BOD1L1: variants seen among roughly 807,000 people sequenced by gnomAD.
BOD1L1 encodes the protein biorientation of chromosomes in cell division protein 1-like 1.
A neutral mutation model predicts 240.7 loss-of-function variants in BOD1L1; 86 were observed. The observed-to-expected ratio is 0.36, with a 90% CI of 0.30 to 0.43. The LOEUF is 0.43. Among genes scored for constraint, BOD1L1 ranks in the 20% least tolerant of loss-of-function variants. The pLI, the probability that BOD1L1 is intolerant of heterozygous loss-of-function variation, is 1.00. For missense variants in BOD1L1, 3,554 were observed against 3,643.5 expected, an observed-to-expected ratio of 0.98 and a Z score of 0.63; for synonymous variants, 1,268 against 1,272.3, an observed-to-expected ratio of 1.00 and a Z score of 0.07.
At chr4:13,619,064 T>C (rs1716833029) in intron 2 of BOD1L1, among the ~76,000 whole-genome samples, 1 of 152,094 alleles carries the variant, frequency 6.6e-6, no homozygotes, top group Non-Finnish European at 1.5e-5. Context: ...GGCCCATGCC[T>C]ATAATCCCAG....
intron 25 of BOD1L1, chr4:13,572,702 C>T (rs1404098290): frequency 7.8e-6 from 10 of 1,289,502 alleles, no homozygotes; most frequent in Non-Finnish European, 1.0e-5. Context: ...AGGGACTTAC[C>T]TTCCTAATGG....
At position 13,613,342 on chromosome 4, in the gene BOD1L1, G is replaced by A. The variant is rs779634123; in HGVS notation, c.1324+170C>T. Among the ~76,000 whole-genome samples, 42 of 152,314 alleles carry A rather than the reference G, an allele frequency of 2.8e-4. No individual in the cohort carries two copies. The highest frequency in any genetic ancestry group is 3.4e-3 in the Middle Eastern group (1 of 294). On this transcript the variant is annotated intron_variant, in intron 5 of 25. Coordinates refer to ENST00000040738, the MANE Select transcript of BOD1L1 (RefSeq NM_148894.3). The surrounding 1 kb of genome is among the most constrained non-coding windows in gnomAD (Gnocchi z 4.0). ...TTGTTGAGATTTAGTAACTTACCAA[G>A]CTTGCTCAGACAGACAACTTTGGAG...
intron 8 of BOD1L1, among the ~76,000 whole-genome samples, chr4:13,608,280 G>C (rs892505235): frequency 6.6e-6 from 1 of 152,180 alleles, no homozygotes; most frequent in Admixed American, 6.5e-5. Context: ...ACATTTTTCA[G>C]GGGAGAGGGT....
intron 11 of BOD1L1, 96 bp from the exon 12 acceptor site, chr4:13,596,040 G>A: frequency 3.1e-6 from 3 of 960,532 alleles, no homozygotes; most frequent in South Asian, 1.5e-5. Context: ...CCAGCATCCT[G>A]AAACAATATA....
chr4:13,575,582 G>A (rs1712642828), intron 25 of BOD1L1, among the ~76,000 whole-genome samples: 1 of 151,694 alleles, frequency 6.6e-6, no homozygotes, highest in South Asian at 2.1e-4. Flanking sequence ...GGGTCTCCCT[G>A]TGTTGCCCAG....
Position 13,591,727 on chromosome 4 carries a change from T to G in BOD1L1, c.8148+196A>C, listed in dbSNP as rs193160739. Among the ~76,000 whole-genome samples the G allele has an allele frequency of 7.2e-5, 11 of 152,242 alleles. No homozygotes were observed. In the East Asian group the frequency reaches 1.9e-3, roughly 27 times the overall value. Reference sequence around the variant, plus strand: ...AAAGTTCTTTATCAGTGGGTATAGGTGAACATGGAAAAGAGCTAGTGAAAG... The same window carrying G: ...AAAGTTCTTTATCAGTGGGTATAGGGGAACATGGAAAAGAGCTAGTGAAAG... On this transcript the variant is annotated intron_variant, in intron 13 of 25. Transcript: ENST00000040738.
Position 13,602,909 on chromosome 4 carries a change from T to C in BOD1L1, c.3991A>G (p.Thr1331Ala). The C allele has an allele frequency of 6.2e-7, 1 of 1,614,026 alleles. No homozygotes were observed. The highest frequency in any genetic ancestry group is 8.5e-7 in the Non-Finnish European group (1 of 1,179,898). The change falls in exon 10 of 26, where the codon ACT becomes GCT. Residue 1331 changes from threonine to alanine, a missense_variant. This residue lies in a region of BOD1L1 where 3,393 missense variants were observed against 3,427.1 expected (regional missense o/e 0.99). Transcript: ENST00000040738. ...DHSALPNQSL[T>A]VRESEVLKTS... is the part of the protein sequence containing the mutation. Reference sequence around the variant, plus strand: ...TTAAGGACTTCTGATTCCCTAACAGTCAGACTTTGGTTAGGGAGAGCAGAG... The same window carrying C: ...TTAAGGACTTCTGATTCCCTAACAGCCAGACTTTGGTTAGGGAGAGCAGAG...
rs779820610 is a variant in BOD1L1 at position 13,570,122 on chromosome 4, C to T, written c.9045G>A (p.Lys3015=). ...GCTTGATAGAAGGGGAGAGCTGTGT[C>T]TTTGATCTGCATTAAGCAAAGTCAA... ...STTRSEAQRS[K]TQLSPSIKRK... Residue 3015 remains lysine (K), a synonymous_variant, in exon 26 of 26, where the codon AAG becomes AAA. Coordinates refer to ENST00000040738, the MANE Select transcript of BOD1L1 (RefSeq NM_148894.3). 1.3e-6 allele frequency: 2 copies of T among 1,590,688 alleles called. No homozygotes were observed. Among genetic ancestry groups the T allele is most frequent in the Non-Finnish European group, 1.7e-6 (2 of 1,170,868 alleles).
chr4:13,625,135 C>G (rs1021851928), intron 1 of BOD1L1: 14 of 152,132 alleles, frequency 9.2e-5, no homozygotes, highest in African/African-American at 3.1e-4. Context: ...AAACCTTGTT[C>G]ATATAAACAA....
intron 11 of BOD1L1, 134 bp downstream of exon 11, chr4:13,596,970 G>C: frequency 1.5e-6 from 1 of 681,452 alleles, no homozygotes; most frequent in South Asian, 2.1e-5. Flanking sequence ...CACAGGATAT[G>C]GCAATAACAA....
At position 13,608,649 on chromosome 4, in the gene BOD1L1, TA is replaced by T; in HGVS notation, c.1622del (p.Leu541Ter). 6.5e-7 allele frequency: 1 copy of T among 1,539,066 alleles called. No homozygotes were observed. The highest frequency in any genetic ancestry group is 8.7e-7 in the Non-Finnish European group (1 of 1,145,768). On this transcript the variant is annotated frameshift_variant, in exon 8 of 26. Transcript: ENST00000040738. LOFTEE classifies it high-confidence loss of function. ...CCAAACTCTTTGTTGATGATTCTTC[TA>T]AGTCCACACTACTCCTGCCTAGAAA... ...TKGQGRSSVD[L>X]EESSTKSLEP...
Position 13,601,929 on chromosome 4 carries a change from T to C in BOD1L1, c.4971A>G (p.Ala1657=), listed in dbSNP as rs1343514028. 6.2e-7 allele frequency: 1 copy of C among 1,614,016 alleles called. No homozygotes were observed. Residue 1657 remains alanine, a synonymous_variant, in exon 10 of 26, where the codon GCA becomes GCG. Transcript: ENST00000040738. The part of the protein sequence containing the change: ...TEEKDDAVTS[A]GSEEKCDGSL... ...AACCATCACATTTTTCTTCAGAGCC[T>C]GCACTGGTTACAGCATCATCCTTTT...
At position 13,569,228 on chromosome 4, in the gene BOD1L1, G is replaced by T. The variant is rs1447222999; in HGVS notation, c.*783C>A. 2 of 152,280 alleles carry T rather than the reference G, an allele frequency of 1.3e-5. No individual in the cohort carries two copies. Among genetic ancestry groups the T allele is most frequent in the Non-Finnish European group, 2.9e-5 (2 of 68,018 alleles). 9.4% of individuals were successfully genotyped at this position (152,280 alleles called of 1,614,324 possible). A position where few individuals can be genotyped will look rare whatever the true frequency, so the allele number is the denominator to read the frequency against. ...AACACAGAGAAGAGGAATGAAGAGG[G>T]ATTTCTGCTGCAGGTGACTGACGCA... On this transcript the variant is annotated 3_prime_UTR_variant, in exon 26 of 26. Coordinates refer to ENST00000040738, the MANE Select transcript of BOD1L1 (RefSeq NM_148894.3).
At position 13,627,346 on chromosome 4, in the gene BOD1L1, T is replaced by C; in HGVS notation, c.242A>G (p.Lys81Arg). The stretch of plus-strand genomic sequence containing the variant: ...CCCCAAACCCGGCGCGCTCCTAACC[T>C]TGGTGTCCACGTCGGCCAGGCAGTC... ...RRDCLADVDT[K>R]PAYQNLRQRV... Residue 81 changes from lysine to arginine, a missense_variant and splice_region_variant, in exon 1 of 26, where the codon AAG becomes AGG. Coordinates refer to ENST00000040738, the MANE Select transcript of BOD1L1 (RefSeq NM_148894.3). The C allele has an allele frequency of 7.6e-7, 1 of 1,322,310 alleles. No homozygotes were observed. Among genetic ancestry groups the C allele is most frequent in the Non-Finnish European group, 9.8e-7 (1 of 1,025,036 alleles). The allele number at this position is 1,322,310 out of a possible 1,614,324, so 81.9% of individuals were successfully genotyped here.
At chr4:13,622,805 G>A (rs1717129643) in intron 1 of BOD1L1, among the ~76,000 whole-genome samples, 1 of 152,188 alleles carries the variant, frequency 6.6e-6, no homozygotes, top group South Asian at 2.1e-4. Flanking sequence ...TATTACACGT[G>A]GTCAACCCAT....
Position 13,599,707 on chromosome 4 carries a change from G to C in BOD1L1, c.7193C>G (p.Pro2398Arg). The C allele has an allele frequency of 6.2e-7, 1 of 1,613,752 alleles. No individual in the cohort carries two copies. Reference sequence around the variant, plus strand: ...CTCCTCGGTGCTCACTGCCAACACGGGACCCGGTTCTTTGCCTCCCCTGAC... The same window carrying C: ...CTCCTCGGTGCTCACTGCCAACACGCGACCCGGTTCTTTGCCTCCCCTGAC... The part of the protein sequence containing the change: ...GPVRGGKEPG[P>R]VLAVSTEEGH... Residue 2398 changes from proline (P) to arginine (R), a missense_variant, in exon 10 of 26, where the codon CCC becomes CGC. Physicochemically the swap from Pro to Arg is moderately radical, Grantham distance 103. Around this residue, in one of 2 missense-constraint regions of BOD1L1, gnomAD observed 3,393 missense variants for 3,427.1 expected, o/e 0.99. Transcript: ENST00000040738.
intron 9 of BOD1L1, 67 bp downstream of exon 9, chr4:13,607,050 C>A: frequency 9.6e-7 from 1 of 1,045,100 alleles, no homozygotes; most frequent in East Asian, 3.3e-5. Context: ...CTAAGTTTTA[C>A]TCCAAAGGAA....
chr4:13,575,216 G>GC (rs368845647), intron 25 of BOD1L1, among the ~76,000 whole-genome samples: 1 of 152,118 alleles, frequency 6.6e-6, no homozygotes, highest in African/African-American at 2.4e-5. Context: ...ACTGTGCCCA[G>GC]CCCCGATTTT....
intron 24 of BOD1L1, 107 bp downstream of exon 24, chr4:13,577,296 T>C (rs1647309552): frequency 1.1e-6 from 1 of 880,732 alleles, no homozygotes; most frequent in Non-Finnish European, 1.7e-6. Flanking sequence ...ATTTATATAA[T>C]ATTAATATTA....
Sources: gnomAD v4.1 joint callset for allele counts (sites outside exome capture counted in the v4.1 genomes callset) on GRCh38, gnomAD v4.1.1 for gene constraint, gnomAD v4.1.1 regional missense constraint, Gnocchi (gnomAD v3.1) non-coding constraint, MANE v1.5 for transcripts, NCBI Gene and HGNC (gene_info 2026-07-23, HGNC 2026-07-21) for gene names.